The following GGTA1 variants were observed in gnomAD, a reference collection of about 807,000 sequenced individuals.
GGTA1 encodes the protein glycoprotein alpha-galactosyltransferase 1 (inactive), also known as inactive N-acetyllactosaminide alpha-1,3-galactosyltransferase.
GGTA1 carries 5 observed loss-of-function variants against 2.6 expected under a neutral mutation model. That is an observed-to-expected ratio of 1.92 (90% CI 1.00 to 4.04). The LOEUF is 4.04. Ranked by LOEUF, GGTA1 falls within the 30% of genes most tolerant of loss-of-function variation. The pLI is 0.00. For missense variants in GGTA1, 50 were observed against 16.7 expected (o/e 2.99, Z -3.47); for synonymous variants, 17 against 5.0 (o/e 3.38, Z -3.19).
downstream of GGTA1, among the ~76,000 whole-genome samples, chr9:121,450,299 C>T (rs758707767): frequency 6.6e-6 from 1 of 151,616 alleles, no homozygotes; most frequent in Non-Finnish European, 1.5e-5. Flanking sequence ...ATCTATTGTG[C>T]CCTGAAGCTT....
intron 1 of GGTA1, among the ~76,000 whole-genome samples, chr9:121,473,849 T>C (rs1828446012): frequency 6.7e-6 from 1 of 149,912 alleles, no homozygotes; most frequent in South Asian, 2.1e-4. Flanking sequence ...CTTGGGAAGG[T>C]CCAGGCTGCA....
At chr9:121,497,038 A>T (rs904288888) in intron 1 of GGTA1, among the ~76,000 whole-genome samples, 36 of 151,878 alleles carry the variant, frequency 2.4e-4, no homozygotes, top group African/African-American at 8.7e-4. Context: ...ACTAAAAATT[A>T]AAAAATTAGC....
chr9:121,465,417 T>A (rs879353288), intron 2 of GGTA1, among the ~76,000 whole-genome samples: 1 of 152,204 alleles, frequency 6.6e-6, no homozygotes, highest in Non-Finnish European at 1.5e-5. Flanking sequence ...CTGGAGCAGA[T>A]CATGATGATG....
intron 7 of GGTA1, among the ~76,000 whole-genome samples, chr9:121,448,098 C>A (rs887203639): frequency 6.6e-6 from 1 of 152,178 alleles, no homozygotes; most frequent in East Asian, 1.9e-4. Context: ...CCAGGGTTTG[C>A]AGATATAAGC....
chr9:121,489,218 G>C (rs1471667416), intron 1 of GGTA1, among the ~76,000 whole-genome samples: 1 of 151,628 alleles, frequency 6.6e-6, no homozygotes, highest in Non-Finnish European at 1.5e-5. Flanking sequence ...ATATTTTTTT[G>C]AGACAGGGTC....
intron 5 of GGTA1, among the ~76,000 whole-genome samples, chr9:121,457,708 A>AAC (rs1306908852): frequency 6.7e-6 from 1 of 150,268 alleles, no homozygotes; most frequent in Non-Finnish European, 1.5e-5. Context: ...CTTAAAAAAA[A>AAC]AAAAAAAACA....
At chr9:121,451,085 AT>A (rs368677643), downstream of GGTA1, among the ~76,000 whole-genome samples, 822 of 152,326 alleles carry the variant, frequency 5.4e-3, 5 homozygotes, top group African/African-American at 0.019. Context: ...AGAAAAAAAA[AT>A]AGGAAAATTG....
downstream of GGTA1, among the ~76,000 whole-genome samples, chr9:121,453,373 G>A (rs1163970344): frequency 6.6e-6 from 1 of 152,234 alleles, no homozygotes; most frequent in African/African-American, 2.4e-5. Flanking sequence ...AAGCAAAACA[G>A]GAAGCTATAA....
intron 1 of GGTA1, among the ~76,000 whole-genome samples, chr9:121,491,636 G>A (rs769094539): frequency 6.6e-6 from 1 of 150,890 alleles, no homozygotes; most frequent in East Asian, 1.9e-4. Context: ...TTGAGATGGC[G>A]TCTAGCTCTG....
At chr9:121,447,636 G>A (rs914332961) in intron 7 of GGTA1, 1 of 152,240 alleles carries the variant, frequency 6.6e-6, no homozygotes, top group African/African-American at 2.4e-5. Flanking sequence ...TATCCTCTGG[G>A]ATTCCTGAAA....
At chr9:121,483,395 C>T (rs2118744282) in intron 1 of GGTA1, among the ~76,000 whole-genome samples, 1 of 152,322 alleles carries the variant, frequency 6.6e-6, no homozygotes, top group Middle Eastern at 3.4e-3. Flanking sequence ...GGAAGGCAGA[C>T]AATTCAATTT....
At chr9:121,477,085 C>T (rs775782503) in intron 1 of GGTA1, among the ~76,000 whole-genome samples, 4 of 152,262 alleles carry the variant, frequency 2.6e-5, no homozygotes, top group Non-Finnish European at 5.9e-5. Context: ...CTCACAGCCA[C>T]CTCGTGCTCC....
rs1018119546 is a variant in GGTA1 at position 121,499,815 on chromosome 9, G to C, written c.-175C>G. The C allele has an allele frequency of 6.6e-6, 1 of 152,058 alleles. No homozygotes were observed. The highest frequency in any genetic ancestry group is 2.4e-5 in the African/African-American group (1 of 41,420). 9.4% of individuals were successfully genotyped at this position (152,058 alleles called of 1,614,324 possible). ...CTCCCGCCCGTGGGCCGGCCGGCCGGGCTTCTGCTCTGGGCAGAGCGCAGC... is the reference window on the plus strand; with the variant it reads ...CTCCCGCCCGTGGGCCGGCCGGCCGCGCTTCTGCTCTGGGCAGAGCGCAGC... On this transcript the variant is annotated 5_prime_UTR_variant, in exon 1 of 6. Coordinates refer to ENST00000481799, the MANE Select transcript of GGTA1 (RefSeq NM_001382585.1).
At chr9:121,451,808 C>A (rs1426968187), downstream of GGTA1, among the ~76,000 whole-genome samples, 2 of 152,124 alleles carry the variant, frequency 1.3e-5, no homozygotes, top group Non-Finnish European at 1.5e-5. Context: ...TAGCAGCTAG[C>A]ACTTGTGGAA....
intron 1 of GGTA1, among the ~76,000 whole-genome samples, chr9:121,482,890 G>T (rs926536808): frequency 2.0e-5 from 3 of 152,202 alleles, no homozygotes; most frequent in Non-Finnish European, 2.9e-5. Context: ...GGAGGAGGTT[G>T]CAGTGAGCCA....
At chr9:121,470,622 A>G (rs537125907) in intron 1 of GGTA1, among the ~76,000 whole-genome samples, 3 of 152,258 alleles carry the variant, frequency 2.0e-5, no homozygotes, top group Non-Finnish European at 4.4e-5. Flanking sequence ...TATGACAGTG[A>G]AAGACATCAG....
intron 1 of GGTA1, among the ~76,000 whole-genome samples, chr9:121,480,005 G>T (rs1828606262): frequency 6.6e-6 from 1 of 151,886 alleles, no homozygotes; most frequent in Non-Finnish European, 1.5e-5. Flanking sequence ...GAATCTTGCA[G>T]CTGGAAGGGA....
At chr9:121,494,535 C>A (rs1213485755) in intron 1 of GGTA1, 1 of 152,314 alleles carries the variant, frequency 6.6e-6, no homozygotes, top group Admixed American at 6.5e-5. Context: ...CATGGTGGCT[C>A]ACACCTACCA....
At chr9:121,490,190 T>A (rs1018256308) in intron 1 of GGTA1, among the ~76,000 whole-genome samples, 2 of 152,214 alleles carry the variant, frequency 1.3e-5, no homozygotes, top group Non-Finnish European at 2.9e-5. Flanking sequence ...CTTCTACTAA[T>A]AATAATGATA....
Sources: gnomAD v4.1 joint callset for allele counts (sites outside exome capture counted in the v4.1 genomes callset) on GRCh38, gnomAD v4.1.1 for gene constraint, MANE v1.5 for transcripts, NCBI Gene and HGNC (gene_info 2026-07-23, HGNC 2026-07-21) for gene names.